Variants in RBFOX1 observed in about 807,000 individuals in gnomAD.
RBFOX1 encodes RNA binding protein fox-1 homolog 1.
In RBFOX1, 8 loss-of-function variants were observed where a neutral mutation model predicts 57.7. The ratio of observed to expected loss-of-function variants is 0.14; its 90% confidence interval spans 0.08 to 0.25. RBFOX1 has a LOEUF of 0.25. RBFOX1 is among the 10% of genes least tolerant of loss of function. RBFOX1 has a pLI of 1.00. For missense variants in RBFOX1, 611 were observed against 548.5 expected (o/e 1.11, Z -1.14); for synonymous variants, 326 against 222.4 (o/e 1.47, Z -4.15).
chr16:6,826,963 C>T (rs7202674), intron 3 of RBFOX1, among the ~76,000 whole-genome samples: 77,139 of 151,896 alleles, frequency 0.51, 20,805 homozygotes, highest in East Asian at 0.77. Flanking sequence ...GGATATTTGA[C>T]AAGGTTAAAA....
intron 11 of RBFOX1, among the ~76,000 whole-genome samples, chr16:7,644,982 G>C (rs2063479157): frequency 1.3e-5 from 2 of 152,112 alleles, no homozygotes; most frequent in South Asian, 4.1e-4. Flanking sequence ...TGAGGCTGGA[G>C]AAAAAAGAGA....
In RBFOX1 at chr16:6,953,430, A is replaced by G. The variant is rs529460415; in HGVS notation, c.-15-98627A>G. 5.7e-4 allele frequency among the ~76,000 whole-genome samples: 86 copies of G among 152,120 alleles called. 1 individual carries two copies. The South Asian group carries it at 0.015, about 27-fold the overall frequency. ...GAGATAGAGTCTTGCTTTGTCGCCAATGCTGGGTACAGTGGTGCAGTCTCA... is the reference window on the plus strand; with the variant it reads ...GAGATAGAGTCTTGCTTTGTCGCCAGTGCTGGGTACAGTGGTGCAGTCTCA... On this transcript the variant is annotated intron_variant, in intron 3 of 15. Coordinates refer to ENST00000550418, the MANE Select transcript of RBFOX1 (RefSeq NM_018723.4).
In RBFOX1 at chr16:5,291,286, G is replaced by A. The variant is rs550839183; in HGVS notation, c.219+51181G>A. ...GTTTTTTTTTTTTTTTTTTTGAGAC[G>A]GAGTCTCACTCTGTCACCCAGGCTG... is the stretch of plus-strand genomic sequence containing the variant. On this transcript the variant is annotated intron_variant, in intron 1 of 2. Coordinates refer to the RBFOX1 transcript ENST00000585867. 6.0e-4 allele frequency among the ~76,000 whole-genome samples: 74 copies of A among 123,772 alleles called. No homozygotes were observed. In the South Asian group the frequency reaches 0.017, roughly 28 times the overall value. The allele number at this position is 123,772 out of a possible 152,430, so 81.2% of individuals were successfully genotyped here.
chr16:5,778,920 C>A (rs2054236947), intron 3 of RBFOX1, among the ~76,000 whole-genome samples: 1 of 152,164 alleles, frequency 6.6e-6, no homozygotes, highest in Non-Finnish European at 1.5e-5. Context: ...GTTTATGTGT[C>A]TGGCATATAA....
intron 3 of RBFOX1, among the ~76,000 whole-genome samples, chr16:5,767,304 G>A (rs1200967600): frequency 6.6e-6 from 1 of 152,208 alleles, no homozygotes; most frequent in Non-Finnish European, 1.5e-5. Context: ...CATGGTTGAA[G>A]GAAGGAAACG....
chr16:6,532,689 G>C (rs1485133060), intron 2 of RBFOX1, among the ~76,000 whole-genome samples: 1 of 152,062 alleles, frequency 6.6e-6, no homozygotes, highest in Admixed American at 6.6e-5. Context: ...TTTCTGCTCT[G>C]GATTCCTCTC....
intron 3 of RBFOX1, among the ~76,000 whole-genome samples, chr16:6,699,933 T>C (rs755526647): frequency 2.0e-5 from 3 of 152,222 alleles, no homozygotes; most frequent in Admixed American, 6.5e-5. Context: ...CAGGTACACA[T>C]TGTTTTGAGT....
chr16:6,844,105 A>G (rs754319799), intron 3 of RBFOX1, among the ~76,000 whole-genome samples: 10 of 143,918 alleles, frequency 6.9e-5, no homozygotes, highest in Non-Finnish European at 1.4e-4. Context: ...CTAAGCCACC[A>G]TCACATCTTC....
At chr16:6,954,926 T>C (rs562586607) in intron 3 of RBFOX1, among the ~76,000 whole-genome samples, 3 of 152,212 alleles carry the variant, frequency 2.0e-5, no homozygotes, top group Non-Finnish European at 4.4e-5. Flanking sequence ...TTAGGCTATT[T>C]TAGGCATCAA....
intron 3 of RBFOX1, among the ~76,000 whole-genome samples, chr16:6,887,431 T>C (rs2064330893): frequency 6.6e-6 from 1 of 152,190 alleles, no homozygotes; most frequent in Non-Finnish European, 1.5e-5. Flanking sequence ...ATCTGTGGGC[T>C]CCATGAAAAC....
chr16:6,988,279 T>C (rs1386975952), intron 3 of RBFOX1, among the ~76,000 whole-genome samples: 7 of 152,186 alleles, frequency 4.6e-5, no homozygotes, highest in East Asian at 1.9e-4. Flanking sequence ...CAAAGCCCTA[T>C]AGACCTTTAG....
chr16:6,951,647 A>G (rs2080783829), intron 3 of RBFOX1, among the ~76,000 whole-genome samples: 1 of 152,046 alleles, frequency 6.6e-6, no homozygotes, highest in African/African-American at 2.4e-5. Context: ...AGCCTTCGTA[A>G]GTATAGTATC....
chr16:5,749,851 C>G (rs1391520421), intron 3 of RBFOX1, among the ~76,000 whole-genome samples: 1 of 152,182 alleles, frequency 6.6e-6, no homozygotes, highest in African/African-American at 2.4e-5. Context: ...CGTCTGAAGC[C>G]TTCTTCTCTC....
chr16:6,918,191 A>G (rs1245717183), intron 3 of RBFOX1, among the ~76,000 whole-genome samples: 3 of 151,856 alleles, frequency 2.0e-5, no homozygotes, highest in Non-Finnish European at 2.9e-5. Context: ...CTGAGGCAGG[A>G]GAATCACTTG....
chr16:5,271,852 T>C (rs937322231), intron 1 of RBFOX1, among the ~76,000 whole-genome samples: 2 of 152,206 alleles, frequency 1.3e-5, no homozygotes, highest in Non-Finnish European at 2.9e-5. Context: ...ATGCAGTATT[T>C]GTCTTTCTGT....
intron 2 of RBFOX1, among the ~76,000 whole-genome samples, chr16:6,480,050 GA>G (rs78928257): frequency 0.016 from 1,947 of 119,684 alleles, 20 homozygotes; most frequent in Non-Finnish European, 0.022. Context: ...ACTCCACCTC[GA>G]AAAAAAAAAA....
At chr16:6,311,967 G>A (rs1014256159) in intron 1 of RBFOX1, among the ~76,000 whole-genome samples, 2 of 152,122 alleles carry the variant, frequency 1.3e-5, no homozygotes, top group African/African-American at 2.4e-5. Flanking sequence ...ACAGTTAAAC[G>A]CCAGACACCT....
At chr16:5,276,324 A>T (rs1316257851) in intron 1 of RBFOX1, among the ~76,000 whole-genome samples, 1 of 152,176 alleles carries the variant, frequency 6.6e-6, no homozygotes, top group East Asian at 1.9e-4. Context: ...GGGAACTCTA[A>T]TCAGCAAGAA....
At chr16:7,231,158 C>T (rs2093472927) in intron 4 of RBFOX1, among the ~76,000 whole-genome samples, 1 of 152,118 alleles carries the variant, frequency 6.6e-6, no homozygotes, top group Non-Finnish European at 1.5e-5. Context: ...AGACAAGAGA[C>T]CACTATAGCT....
Sources: allele counts gnomAD v4.1 joint callset (sites outside exome capture counted in the v4.1 genomes callset), GRCh38; gene constraint gnomAD v4.1.1; transcripts MANE v1.5; gene names NCBI Gene and HGNC (gene_info 2026-07-23, HGNC 2026-07-21).